Variants in FSTL4 observed in about 807,000 individuals in gnomAD.
The protein encoded by FSTL4 is follistatin like 4.
A neutral mutation model predicts 78.2 loss-of-function variants in FSTL4; 28 were observed. The observed-to-expected ratio is 0.36, with a 90% CI of 0.27 to 0.49. The LOEUF is 0.49. FSTL4 is among the 20% of genes least tolerant of loss of function. FSTL4 has a pLI of 0.98. For missense variants in FSTL4, 922 were observed against 1,084.9 expected (o/e 0.85, Z 2.11); for synonymous variants, 422 against 440.5 (o/e 0.96, Z 0.53).
the FSTL4 span, among the ~76,000 whole-genome samples, chr5:133,637,014 G>C: frequency 6.6e-6 from 1 of 152,204 alleles, no homozygotes; most frequent in Non-Finnish European, 1.5e-5. Flanking sequence ...TGGAGTGGAA[G>C]CATAAGTAGA....
chr5:133,509,744 C>T (rs950203422), intron 3 of FSTL4, among the ~76,000 whole-genome samples: 3 of 152,194 alleles, frequency 2.0e-5, no homozygotes, highest in East Asian at 1.9e-4. Flanking sequence ...GGGCCTAACA[C>T]GATAACATAT....
intron 3 of FSTL4, among the ~76,000 whole-genome samples, chr5:133,417,466 T>G (rs538183670): frequency 1.3e-5 from 2 of 152,152 alleles, no homozygotes; most frequent in African/African-American, 4.8e-5. Flanking sequence ...AAGGAATATT[T>G]GAAAATATAT....
chr5:133,250,463 T>A (rs991216282), intron 6 of FSTL4, among the ~76,000 whole-genome samples: 3 of 151,870 alleles, frequency 2.0e-5, no homozygotes, highest in Non-Finnish European at 2.9e-5. Flanking sequence ...TGGCATGAGC[T>A]GAGGGAAGCA....
the FSTL4 span, among the ~76,000 whole-genome samples, chr5:133,681,469 G>A: frequency 0.011 from 1,628 of 152,238 alleles, 26 homozygotes; most frequent in African/African-American, 0.036. Flanking sequence ...CTGTGATCCA[G>A]TCCTAGATAC....
intron 2 of FSTL4, among the ~76,000 whole-genome samples, chr5:133,577,398 G>A (rs1462207136): frequency 1.3e-5 from 2 of 152,174 alleles, no homozygotes; most frequent in Non-Finnish European, 2.9e-5. Context: ...AGTGTCAGAT[G>A]GCTCTGGGGT....
the FSTL4 span, among the ~76,000 whole-genome samples, chr5:133,787,496 C>T: frequency 1.2e-4 from 19 of 152,280 alleles, no homozygotes; most frequent in African/African-American, 2.2e-4. Flanking sequence ...TGGAGGAGCA[C>T]GGGGCCTGAA....
In FSTL4 at chr5:133,198,188, CCTGA is replaced by C. The variant is rs1178325949; in HGVS notation, c.*903_*906del. On this transcript the variant is annotated 3_prime_UTR_variant, in exon 16 of 16. Transcript: ENST00000265342. Reference sequence around the variant, plus strand: ...TCTGCCCTGAATCTGGGGTACCAGACCTGACTAATGAGATGTCTCCCTTCTGTGC... The same window carrying C: ...TCTGCCCTGAATCTGGGGTACCAGACCTAATGAGATGTCTCCCTTCTGTGC... 2.0e-5 allele frequency: 3 copies of C among 152,742 alleles called. No homozygotes were observed. In the South Asian group the frequency reaches 6.2e-4, roughly 32 times the overall value. The allele number at this position is 152,742 out of a possible 1,614,324, so 9.5% of individuals were successfully genotyped here. A position where few individuals can be genotyped will look rare whatever the true frequency, so the allele number is the denominator to read the frequency against.
chr5:133,323,932 C>A (rs1238770577), intron 4 of FSTL4, among the ~76,000 whole-genome samples: 1 of 152,190 alleles, frequency 6.6e-6, no homozygotes, highest in African/African-American at 2.4e-5. Flanking sequence ...AATAATTGTC[C>A]CTCTTTGAAG....
intron 12 of FSTL4, among the ~76,000 whole-genome samples, chr5:133,218,417 G>A (rs1455179224): frequency 1.3e-5 from 2 of 152,086 alleles, no homozygotes; most frequent in South Asian, 2.1e-4. Flanking sequence ...TTGACCCAGC[G>A]GCCACAGGGA....
intron 6 of FSTL4, among the ~76,000 whole-genome samples, chr5:133,287,776 T>A (rs1753169745): frequency 6.6e-6 from 1 of 152,238 alleles, no homozygotes; most frequent in Non-Finnish European, 1.5e-5. Flanking sequence ...AGCCTCAGTG[T>A]CTTTCTTTGC....
At chr5:133,458,838 G>A (rs67598859) in intron 3 of FSTL4, among the ~76,000 whole-genome samples, 32,944 of 152,180 alleles carry the variant, frequency 0.22, 3,822 homozygotes, top group Admixed American at 0.29. Flanking sequence ...TGTTTCAAGC[G>A]TTGGCTTGGA....
At chr5:133,416,257 G>A (rs533921426) in intron 3 of FSTL4, among the ~76,000 whole-genome samples, 74 of 152,316 alleles carry the variant, frequency 4.9e-4, no homozygotes, top group Admixed American at 3.7e-3. Context: ...CATGAAAATC[G>A]TAAGGTCGTA....
intron 4 of FSTL4, 69 bp from the exon 5 acceptor site, chr5:133,316,721 G>T: frequency 7.5e-7 from 1 of 1,324,864 alleles, no homozygotes; most frequent in Non-Finnish European, 1.1e-6. Context: ...TCTTGCCGCT[G>T]GTCCATTCAT....
chr5:133,305,399 TCAAGC>T (rs1753633446), intron 6 of FSTL4, among the ~76,000 whole-genome samples: 1 of 152,184 alleles, frequency 6.6e-6, no homozygotes, highest in Non-Finnish European at 1.5e-5. Flanking sequence ...CCTCCCTCAG[TCAAGC>T]CCCTTGTCCC....
At chr5:133,698,831 C>T in the FSTL4 span, among the ~76,000 whole-genome samples, 1 of 152,250 alleles carries the variant, frequency 6.6e-6, no homozygotes, top group African/African-American at 2.4e-5. Flanking sequence ...ACAACGAGAC[C>T]TCGGGAGGCC....
At chr5:133,791,229 T>G in the FSTL4 span, among the ~76,000 whole-genome samples, 12 of 151,994 alleles carry the variant, frequency 7.9e-5, no homozygotes, top group Non-Finnish European at 1.6e-4. Flanking sequence ...CCCAGAGAAG[T>G]CTACTCAGCT....
chr5:133,674,488 G>C, the FSTL4 span, among the ~76,000 whole-genome samples: 1 of 152,188 alleles, frequency 6.6e-6, no homozygotes, highest in East Asian at 1.9e-4. Flanking sequence ...TAATAAATAG[G>C]AAAAGCTAAC....
intron 4 of FSTL4, among the ~76,000 whole-genome samples, chr5:133,322,277 CCACACACACACACACCCCCACACA>C (rs1561671739): frequency 1.2e-4 from 5 of 42,496 alleles, no homozygotes; most frequent in Non-Finnish European, 3.6e-4. Flanking sequence ...ACCCACACAC[CCACACACACACACACCCCCACACA>C]CACCCACACC....
chr5:133,362,582 G>A (rs1019949179), intron 4 of FSTL4, among the ~76,000 whole-genome samples: 7 of 152,250 alleles, frequency 4.6e-5, no homozygotes, highest in Admixed American at 2.6e-4. Context: ...CTGTCTATGC[G>A]TTCAGGATTT....
Sources: allele counts gnomAD v4.1 joint callset (sites outside exome capture counted in the v4.1 genomes callset), GRCh38; gene constraint gnomAD v4.1.1; transcripts MANE v1.5; gene names NCBI Gene and HGNC (gene_info 2026-07-23, HGNC 2026-07-21).